Variants in MAP3K2 observed in about 807,000 individuals in gnomAD.
The protein encoded by MAP3K2 is mitogen-activated protein kinase kinase kinase 2.
In MAP3K2, 24 loss-of-function variants were observed where a neutral mutation model predicts 80.3. The ratio of observed to expected loss-of-function variants is 0.30; its 90% CI spans 0.22 to 0.42. The LOEUF (loss-of-function observed/expected upper bound fraction) is 0.42. MAP3K2 is among the 10% of genes least tolerant of loss of function. The pLI, the probability that MAP3K2 is intolerant of heterozygous loss-of-function variation, is 1.00. For synonymous variants in MAP3K2, 244 were observed against 253.7 expected (o/e 0.96, Z 0.36); for missense variants, 608 against 750.1 (o/e 0.81, Z 2.21).
chr2:127,368,796 A>G (rs1315042067), intron 1 of MAP3K2, among the ~76,000 whole-genome samples: 1 of 151,164 alleles, frequency 6.6e-6, no homozygotes, highest in African/African-American at 2.4e-5. Flanking sequence ...TTTCTTTTTG[A>G]GATGAGGTCT....
At chr2:127,308,851 G>C in intron 15 of MAP3K2, 89 bp from the exon 16 acceptor site, 3 of 1,353,654 alleles carry the variant, frequency 2.2e-6, no homozygotes, top group Non-Finnish European at 3.0e-6. Context: ...TTACTTCATA[G>C]ACTCTTTGAT....
intron 1 of MAP3K2, among the ~76,000 whole-genome samples, chr2:127,385,027 C>G (rs1164535950): frequency 6.6e-6 from 1 of 152,156 alleles, no homozygotes; most frequent in Admixed American, 6.5e-5. Context: ...ATTACAAAAA[C>G]TTAGTTGATA....
In MAP3K2 at chr2:127,380,356, C is replaced by A. The variant is rs180889344; in HGVS notation, c.-66+7096G>T. Among the ~76,000 whole-genome samples the A allele has an allele frequency of 7.1e-3, 1,081 of 152,112 alleles. 5 individuals are homozygous for A. Among genetic ancestry groups the A allele is most frequent in the South Asian group, 0.011 (55 of 4,816 alleles). ...AATTTGAGAATGATCCAAAGAATAC[C>A]GATAAAATATATTAAACTATTCTTT... is the stretch of plus-strand genomic sequence containing the variant. On this transcript the variant is annotated intron_variant, in intron 1 of 16. Coordinates refer to ENST00000682094, the MANE Select transcript of MAP3K2 (RefSeq NM_001371910.2).
intron 7 of MAP3K2, among the ~76,000 whole-genome samples, chr2:127,327,991 A>T (rs557135202): frequency 1.3e-5 from 2 of 152,326 alleles, no homozygotes; most frequent in Admixed American, 6.5e-5. Flanking sequence ...AAAGTGAATT[A>T]GAGCTGGGCA....
chr2:127,360,181 C>G lies in MAP3K2; in HGVS notation c.-65-16987G>C, dbSNP rs1686859521. Reference sequence around the variant, plus strand: ...GCCATACAGTAGAATAAATAATATTCAGCAATAAACAGAAATAAACTATTG... The same window carrying G: ...GCCATACAGTAGAATAAATAATATTGAGCAATAAACAGAAATAAACTATTG... On this transcript the variant is annotated intron_variant, in intron 1 of 16. Transcript: ENST00000682094. Among the ~76,000 whole-genome samples the G allele has an allele frequency of 2.6e-5, 4 of 152,190 alleles. No homozygotes were observed. In the South Asian group the frequency reaches 8.3e-4, roughly 32 times the overall value.
intron 1 of MAP3K2, among the ~76,000 whole-genome samples, chr2:127,344,878 G>T (rs1293354144): frequency 6.6e-6 from 1 of 151,980 alleles, no homozygotes; most frequent in Non-Finnish European, 1.5e-5. Flanking sequence ...TTTTTTGGGG[G>T]ACAGGAGGAG....
chr2:127,388,228 T>G (rs893228175), upstream of MAP3K2: 7 of 862,820 alleles, frequency 8.1e-6, no homozygotes, highest in African/African-American at 1.5e-4. Flanking sequence ...TGCTGTTCCG[T>G]GTGCGCGGCG....
chr2:127,354,051 C>T lies in MAP3K2; in HGVS notation c.-65-10857G>A, dbSNP rs1014184999. Among the ~76,000 whole-genome samples the T allele has an allele frequency of 3.3e-4, 50 of 151,900 alleles. 1 individual carries two copies. The highest frequency in any genetic ancestry group is 1.1e-3 in the African/African-American group (45 of 41,374). Reference sequence around the variant, plus strand: ...AACAGATGCTTGAAGGCAACAGGCTCGTTAAGAGTCATCACCACTCCCTAA... The same window carrying T: ...AACAGATGCTTGAAGGCAACAGGCTTGTTAAGAGTCATCACCACTCCCTAA... On this transcript the variant is annotated intron_variant, in intron 1 of 16. Transcript: ENST00000682094.
intron 2 of MAP3K2, among the ~76,000 whole-genome samples, chr2:127,341,146 C>A (rs931305875): frequency 6.6e-6 from 1 of 151,292 alleles, no homozygotes; most frequent in African/African-American, 2.4e-5. Flanking sequence ...CCCCCCACCA[C>A]GCCTGGCTAA....
chr2:127,345,177 T>C (rs1686576179), intron 1 of MAP3K2, among the ~76,000 whole-genome samples: 2 of 152,122 alleles, frequency 1.3e-5, no homozygotes, highest in Admixed American at 6.6e-5. Context: ...CAAAATAGGT[T>C]GACAGTAAAA....
intron 1 of MAP3K2, among the ~76,000 whole-genome samples, chr2:127,347,126 TATGGTGAAAAACTTC>T (rs1402121545): frequency 6.6e-6 from 1 of 152,072 alleles, no homozygotes; most frequent in Non-Finnish European, 1.5e-5. Context: ...TCAAGTTGAT[TATGGTGAAAAACTTC>T]ATGGTGAAAA....
At chr2:127,380,167 A>T (rs1407635365) in intron 1 of MAP3K2, among the ~76,000 whole-genome samples, 1 of 152,182 alleles carries the variant, frequency 6.6e-6, no homozygotes, top group Non-Finnish European at 1.5e-5. Context: ...GCACTGTGCT[A>T]GGTACTGGAG....
rs1489620886 is a variant in MAP3K2 at position 127,306,003 on chromosome 2, C to T, written c.*1576G>A. The stretch of plus-strand genomic sequence containing the variant: ...TATAGAGATGGCTGAGTTCAAAAGG[C>T]TCAGTGTTCAAATTCAGTTTGTTCC... On this transcript the variant is annotated 3_prime_UTR_variant, in exon 17 of 17. Coordinates refer to ENST00000682094, the MANE Select transcript of MAP3K2 (RefSeq NM_001371910.2). This position sits in a 1 kb window ranked among gnomAD's most constrained non-coding sequence, Gnocchi z 4.7. The T allele has an allele frequency of 6.7e-6, 1 of 150,124 alleles. No individual in the cohort carries two copies. The highest frequency in any genetic ancestry group is 1.5e-5 in the Non-Finnish European group (1 of 67,802). The allele number at this position is 150,124 out of a possible 1,614,324, so 9.3% of individuals were successfully genotyped here.
At chr2:127,378,138 T>G in intron 1 of MAP3K2, 1 of 981,622 alleles carries the variant, frequency 1.0e-6, no homozygotes, top group Non-Finnish European at 1.2e-6. Context: ...ATGACAGACA[T>G]GGAAAATGGA....
At chr2:127,344,801 G>GA (rs1460334183) in intron 1 of MAP3K2, among the ~76,000 whole-genome samples, 6 of 152,082 alleles carry the variant, frequency 3.9e-5, no homozygotes, top group Non-Finnish European at 5.9e-5. Flanking sequence ...TACAAAACAT[G>GA]AAAAAAATCC....
chr2:127,357,464 G>A (rs781610448), intron 1 of MAP3K2, among the ~76,000 whole-genome samples: 5 of 152,196 alleles, frequency 3.3e-5, no homozygotes, highest in Non-Finnish European at 5.9e-5. Flanking sequence ...CTCCAGCCTG[G>A]GCAAGGGAGG....
chr2:127,356,569 T>C (rs1005862325), intron 1 of MAP3K2, among the ~76,000 whole-genome samples: 1 of 152,224 alleles, frequency 6.6e-6, no homozygotes, highest in African/African-American at 2.4e-5. Flanking sequence ...CTCAGGCTGG[T>C]TGCAAACTCT....
intron 1 of MAP3K2, among the ~76,000 whole-genome samples, chr2:127,377,601 G>C (rs1410965655): frequency 6.6e-6 from 1 of 152,172 alleles, no homozygotes; most frequent in Non-Finnish European, 1.5e-5. Flanking sequence ...ATGTGACTCT[G>C]AGCCTTACCT....
chr2:127,345,123 G>C (rs1038202081), intron 1 of MAP3K2, among the ~76,000 whole-genome samples: 1 of 152,092 alleles, frequency 6.6e-6, no homozygotes, highest in African/African-American at 2.4e-5. Flanking sequence ...CTAAGTGCTG[G>C]GACTACGAAC....
Sources: gnomAD v4.1 joint callset for allele counts (sites outside exome capture counted in the v4.1 genomes callset) on GRCh38, gnomAD v4.1.1 for gene constraint, Gnocchi (gnomAD v3.1) non-coding constraint, MANE v1.5 for transcripts, NCBI Gene and HGNC (gene_info 2026-07-23, HGNC 2026-07-21) for gene names.